The following ZNF177 variants were observed in gnomAD, a reference collection of about 807,000 sequenced individuals.
The protein encoded by ZNF177 is zinc finger protein 177.
A neutral mutation model predicts 19.4 loss-of-function variants in ZNF177; 17 were observed. The observed-to-expected ratio is 0.87, with a 90% CI of 0.60 to 1.31. ZNF177 has a LOEUF of 1.31. ZNF177 is among the 40% of genes most tolerant of loss of function. ZNF177 has a pLI of 0.00. For synonymous variants in ZNF177, 220 were observed against 188.7 expected (o/e 1.17, Z -1.36); for missense variants, 633 against 561.8 (o/e 1.13, Z -1.28).
At chr19:9,367,901 CTA>C (rs1364260243) in intron 2 of ZNF177, among the ~76,000 whole-genome samples, 1 of 152,138 alleles carries the variant, frequency 6.6e-6, no homozygotes, top group Non-Finnish European at 1.5e-5. Flanking sequence ...CAGCTCTTGC[CTA>C]TAGAGTGGAT....
chr19:9,379,959 A>T (rs1455485401), intron 4 of ZNF177, 98 bp from the exon 7 acceptor site: 2 of 1,358,558 alleles, frequency 1.5e-6, no homozygotes, highest in East Asian at 2.5e-5. Context: ...TCTACTTAGA[A>T]GATATTATTT....
At chr19:9,380,481 AG>A in intron 5 of ZNF177, 186 bp from the exon 8 acceptor site, 1 of 1,146,864 alleles carries the variant, frequency 8.7e-7, no homozygotes, top group Middle Eastern at 2.8e-4. Context: ...CCTTGGACAG[AG>A]GAGTGAGCTT....
upstream of ZNF177, among the ~76,000 whole-genome samples, chr19:9,373,495 C>G (rs532382234): frequency 6.6e-6 from 1 of 152,302 alleles, no homozygotes; most frequent in East Asian, 1.9e-4. Flanking sequence ...TATGGTAGTT[C>G]TATTTTTAAT....
At chr19:9,371,615 C>G (rs933009546), upstream of ZNF177, 2 of 152,046 alleles carry the variant, frequency 1.3e-5, no homozygotes, top group African/African-American at 4.8e-5. Flanking sequence ...TATAGGTGAC[C>G]TGTGTTTTTC....
At chr19:9,382,344 T>G (rs2068215106), downstream of ZNF177, 1 of 398,994 alleles carries the variant, frequency 2.5e-6, no homozygotes, top group South Asian at 1.3e-4. Flanking sequence ...TGGTGTTTTT[T>G]TCTTAACTAT....
exon 6 of ZNF177, chr19:9,380,972 G>A (rs1388614727): frequency 9.1e-6 from 14 of 1,544,272 alleles, no homozygotes; most frequent in Non-Finnish European, 1.2e-5. Flanking sequence ...ATGTCCTTCA[G>A]CCTACACTCT....
chr19:9,376,393 G>A (rs1397106384), upstream of ZNF177: 3 of 152,352 alleles, frequency 2.0e-5, no homozygotes, highest in Non-Finnish European at 4.4e-5. Context: ...AGCCTCCTGA[G>A]TACATTTATA....
At chr19:9,364,562 G>C (rs997275911) in intron 1 of ZNF177, among the ~76,000 whole-genome samples, 17 of 152,170 alleles carry the variant, frequency 1.1e-4, no homozygotes, top group African/African-American at 4.1e-4. Flanking sequence ...TGCATTTTGA[G>C]AGTAAGGAAA....
chr19:9,369,937 T>C (rs2068026918), intron 2 of ZNF177, among the ~76,000 whole-genome samples: 2 of 152,160 alleles, frequency 1.3e-5, no homozygotes, highest in African/African-American at 4.8e-5. Flanking sequence ...GTCACGAATT[T>C]GGTATTATTA....
chr19:9,380,168 C>G (rs1328036198), intron 5 of ZNF177, 29 bp downstream of exon 7: 4 of 1,580,928 alleles, frequency 2.5e-6, no homozygotes. Flanking sequence ...TATTCCTGGT[C>G]TTTGTAGTAG....
chr19:9,364,273 T>C (rs555843942), intron 1 of ZNF177, among the ~76,000 whole-genome samples: 34 of 152,322 alleles, frequency 2.2e-4, no homozygotes, highest in African/African-American at 7.7e-4. Flanking sequence ...TTTCCAGCAG[T>C]AAGTCAAGGC....
intron 2 of ZNF177, among the ~76,000 whole-genome samples, chr19:9,368,052 A>G (rs932300130): frequency 6.6e-6 from 1 of 152,246 alleles, no homozygotes; most frequent in Non-Finnish European, 1.5e-5. Context: ...TTTGAGTGGC[A>G]TAACTGACTG....
exon 6 of ZNF177, chr19:9,381,119 A>C (rs1054432575): frequency 1.2e-6 from 2 of 1,613,878 alleles, no homozygotes; most frequent in Non-Finnish European, 1.7e-6. Flanking sequence ...GAACATGAGA[A>C]AACTTTCACT....
chr19:9,369,586 A>C (rs367631296), intron 2 of ZNF177, among the ~76,000 whole-genome samples: 1 of 152,086 alleles, frequency 6.6e-6, no homozygotes, highest in Non-Finnish European at 1.5e-5. Flanking sequence ...CCATCTGTAC[A>C]CTTACTGTTA....
chr19:9,377,165 T>C (rs1447501225), intron 1 of ZNF177, among the ~76,000 whole-genome samples: 2 of 152,138 alleles, frequency 1.3e-5, no homozygotes, highest in African/African-American at 4.8e-5. Context: ...CCTAATGACA[T>C]AGCCAGTGTA....
intron 2 of ZNF177, 151 bp downstream of exon 4, chr19:9,378,495 T>C: frequency 1.6e-6 from 2 of 1,236,822 alleles, no homozygotes; most frequent in Non-Finnish European, 2.2e-6. Flanking sequence ...AGGGAATCCC[T>C]GGGAAAGGCT....
chr19:9,363,056 G>C (rs948647899), exon 1 of ZNF177: 1 of 152,374 alleles, frequency 6.6e-6, no homozygotes, highest in East Asian at 1.9e-4. Context: ...AGCTGAGAAA[G>C]GGTTGCTGTC....
chr19:9,367,269 C>G (rs184400716), intron 2 of ZNF177, among the ~76,000 whole-genome samples: 38 of 151,834 alleles, frequency 2.5e-4, no homozygotes, highest in African/African-American at 8.9e-4. Context: ...GAGCAGAGAT[C>G]GCACCACTGC....
exon 2 of ZNF177, chr19:9,378,300 A>C: frequency 6.2e-7 from 1 of 1,613,618 alleles, no homozygotes; most frequent in Non-Finnish European, 8.5e-7. Context: ...AAGGAAACCT[A>C]CAGGAGGAAG....
Sources: gnomAD v4.1 joint callset for allele counts (sites outside exome capture counted in the v4.1 genomes callset) on GRCh38, gnomAD v4.1.1 for gene constraint, MANE v1.5 for transcripts, NCBI Gene and HGNC (gene_info 2026-07-23, HGNC 2026-07-21) for gene names.